GFUS: variants seen among roughly 807,000 people sequenced by gnomAD.
GFUS encodes GDP-L-fucose synthase, also known as 3-5 epimerase/4-reductase.
Under a neutral mutation model 41.5 loss-of-function variants are expected in GFUS, and 42 were observed. That is an observed-to-expected ratio of 1.01 (90% CI 0.79 to 1.31). GFUS has a LOEUF of 1.31. Among genes scored for constraint, GFUS ranks in the 50% most tolerant of loss-of-function variants. GFUS has a pLI of 0.00. For missense variants in GFUS, 437 were observed against 428.7 expected (o/e 1.02, Z -0.17); for synonymous variants, 188 against 173.4 (o/e 1.08, Z -0.66).
At chr8:143,615,049 C>T (rs569181698) in intron 3 of GFUS, 134 bp from the exon 4 acceptor site, 72 of 1,377,924 alleles carry the variant, frequency 5.2e-5, no homozygotes, top group Middle Eastern at 5.3e-4. Flanking sequence ...CCATCCTAAC[C>T]GTTTCCGGAC....
chr8:143,614,281 G>C (rs146715615), intron 6 of GFUS, 39 bp downstream of exon 6: 7 of 1,613,526 alleles, frequency 4.3e-6, no homozygotes, highest in Admixed American at 1.7e-5. Context: ...ACCTCCTCCC[G>C]AGCTGAGCCC....
chr8:143,615,984 C>T, intron 3 of GFUS, 122 bp downstream of exon 3: 1 of 826,758 alleles, frequency 1.2e-6, no homozygotes, highest in Non-Finnish European at 1.9e-6. Flanking sequence ...CTGTGCCAAG[C>T]CCTGATCCTC....
intron 1 of GFUS, 51 bp from the exon 2 acceptor site, chr8:143,616,774 GAGC>G: frequency 1.2e-6 from 2 of 1,606,864 alleles, no homozygotes; most frequent in South Asian, 2.2e-5. Context: ...TCATCCTTTG[GAGC>G]CCCACTCTTC....
At chr8:143,614,588 C>T in intron 5 of GFUS, 36 bp downstream of exon 5, 1 of 1,565,008 alleles carries the variant, frequency 6.4e-7, no homozygotes, top group African/African-American at 1.3e-5. Flanking sequence ...CTCTCCCCGA[C>T]TCCTGGCTGG....
rs375507364 is a variant in GFUS at position 143,614,419 on chromosome 8, C to T, written c.499G>A (p.Ala167Thr). The change falls in exon 6 of 11, where the codon GCT becomes ACT. Residue 167 changes from alanine (A) to threonine (T), a missense_variant. By Grantham distance (58) the Ala-to-Thr change is moderately conservative (BLOSUM62 0). Coordinates refer to ENST00000425753, the MANE Select transcript of GFUS (RefSeq NM_003313.4). ...CCGAAGACGTTGGTGGGGATGACAG[C>T]GGTGAAGGTGCAGCCGTACTGCTGG... ...YFQQYGCTFT[A>T]VIPTNVFGPH... 38 of 1,613,746 alleles carry T rather than the reference C, an allele frequency of 2.4e-5. No homozygotes were observed. The highest frequency in any genetic ancestry group is 2.3e-4 in the South Asian group (21 of 91,068).
At position 143,612,907 on chromosome 8, in the gene GFUS, G is replaced by A. The variant is rs762773401; in HGVS notation, c.*3C>T. 1.2e-6 allele frequency: 2 copies of A among 1,606,914 alleles called. No homozygotes were observed. The highest frequency in any genetic ancestry group is 2.2e-5 in the South Asian group (2 of 89,794). ...CGCTGGCACCTGATCCTGTCTTCCA[G>A]CTTCACTTCCGGGCCTGCTCGTAGT... On this transcript the variant is annotated 3_prime_UTR_variant, in exon 11 of 11. Transcript: ENST00000425753.
chr8:143,614,603 C>A (rs762318912), intron 5 of GFUS, 21 bp downstream of exon 5: 8 of 1,572,044 alleles, frequency 5.1e-6, no homozygotes, highest in Non-Finnish European at 6.9e-6. Context: ...GGCTGGGCCT[C>A]AGCAGGATGG....
intron 1 of GFUS, chr8:143,616,942 G>A (rs978043876): frequency 1.2e-5 from 7 of 598,342 alleles, no homozygotes; most frequent in African/African-American, 1.1e-4. Context: ...CTACCACCCA[G>A]CCCAGAGCAG....
intron 3 of GFUS, among the ~76,000 whole-genome samples, chr8:143,615,496 G>T (rs752837975): frequency 6.6e-6 from 1 of 152,218 alleles, no homozygotes; most frequent in South Asian, 2.1e-4. Context: ...GGGCTCTGGG[G>T]TGACAGGGCT....
At chr8:143,614,725 C>G in intron 4 of GFUS, 28 bp from the exon 5 acceptor site, 1 of 1,613,126 alleles carries the variant, frequency 6.2e-7, no homozygotes, top group Non-Finnish European at 8.5e-7. Context: ...GCAGAGGCCG[C>G]TACTTCCTGG....
In GFUS at chr8:143,612,987, G is replaced by A. The variant is rs200999569; in HGVS notation, c.911-22C>T. 51 of 1,607,090 alleles carry A rather than the reference G, an allele frequency of 3.2e-5. No homozygotes were observed. The Middle Eastern group carries it at 4.9e-4, about 16-fold the overall frequency. ...ACCGCTGCAGAGGCAGGCAGGTGAG[G>A]GCCATGGACAGGGAGGGTCGGGGCC... On this transcript the variant is annotated intron_variant, in intron 10 of 10. Transcript: ENST00000425753.
chr8:143,616,888 T>G, intron 1 of GFUS, 165 bp from the exon 2 acceptor site: 2 of 781,818 alleles, frequency 2.6e-6, no homozygotes, highest in Non-Finnish European at 4.0e-6. Context: ...CGCAGCCCTG[T>G]TCCCCTGGGA....
intron 3 of GFUS, chr8:143,615,888 A>G: frequency 2.1e-6 from 1 of 475,374 alleles, no homozygotes; most frequent in Non-Finnish European, 3.7e-6. Context: ...TACTGGGCCA[A>G]GTGCCTCCAG....
At chr8:143,614,755 G>C (rs760430470) in intron 4 of GFUS, 32 bp downstream of exon 4, 1 of 1,613,140 alleles carries the variant, frequency 6.2e-7, no homozygotes, top group Non-Finnish European at 8.5e-7. Flanking sequence ...CCGGCTCCCC[G>C]GCCCCACCCA....
At position 143,613,522 on chromosome 8, in the gene GFUS, A is replaced by G. The variant is rs149650371; in HGVS notation, c.810+2T>C. 3.4e-5 allele frequency: 54 copies of G among 1,610,526 alleles called. No individual in the cohort carries two copies. In the African/African-American group the frequency reaches 6.9e-4, roughly 21 times the overall value. On this transcript the variant is annotated splice_donor_variant, in intron 9 of 10. Coordinates refer to ENST00000425753, the MANE Select transcript of GFUS (RefSeq NM_003313.4). LOFTEE classifies it high-confidence loss of function. ...ACCCCCAGCACTGGAGCCAGAGGAT[A>G]CGGTGACTTCCCCATGGAAGTCCAT... is the stretch of plus-strand genomic sequence containing the variant.
chr8:143,614,864 C>T lies in GFUS; in HGVS notation c.313G>A (p.Gly105Ser). Reference protein sequence around the residue: ...DNVLHSAFEVGARKVVSCLST... With the variant: ...DNVLHSAFEVSARKVVSCLST... Reference sequence around the variant, plus strand: ...AGGCAGGACACCACCTTGCGGGCGCCCACCTCAAAGGCCGAGTGCAGGACG... The same window carrying T: ...AGGCAGGACACCACCTTGCGGGCGCTCACCTCAAAGGCCGAGTGCAGGACG... The change falls in exon 4 of 11, where the codon GGC (glycine) becomes AGC (serine). Residue 105 changes from glycine to serine, a missense_variant. Gly to Ser is a moderately conservative substitution (Grantham distance 56). Transcript: ENST00000425753. 6.2e-7 allele frequency: 1 copy of T among 1,613,726 alleles called. No individual in the cohort carries two copies. Among genetic ancestry groups the T allele is most frequent in the Non-Finnish European group, 8.5e-7 (1 of 1,179,964 alleles).
intron 3 of GFUS, among the ~76,000 whole-genome samples, chr8:143,615,512 G>A (rs1829703774): frequency 6.6e-6 from 1 of 152,178 alleles, no homozygotes; most frequent in African/African-American, 2.4e-5. Flanking sequence ...GGGCTCCTGG[G>A]CAGAATCTCC....
At position 143,613,234 on chromosome 8, in the gene GFUS, G is replaced by A. The variant is rs1170002335; in HGVS notation, c.872C>T (p.Thr291Ile). ...TGTGAACCGGAAGTCGGGCAGGTAG[G>A]TCCTCAGCTTGCTGTTACTGGCTGT... ...KKTASNSKLRTYLPDFRFTPF... is the reference protein window; with the variant it reads ...KKTASNSKLRIYLPDFRFTPF... Residue 291 changes from threonine to isoleucine, a missense_variant, in exon 10 of 11, where the codon ACC (threonine) becomes ATC (isoleucine). Transcript: ENST00000425753. The A allele has an allele frequency of 3.7e-6, 6 of 1,613,956 alleles. No individual in the cohort carries two copies. The highest frequency in any genetic ancestry group is 2.7e-5 in the African/African-American group (2 of 74,890).
chr8:143,615,358 C>T (rs936500967), intron 3 of GFUS, among the ~76,000 whole-genome samples: 1 of 152,196 alleles, frequency 6.6e-6, no homozygotes, highest in Non-Finnish European at 1.5e-5. Flanking sequence ...TTGCCGGGTC[C>T]ACCCCGCGGG....
Sources: allele counts gnomAD v4.1 joint callset (sites outside exome capture counted in the v4.1 genomes callset), GRCh38; gene constraint gnomAD v4.1.1; transcripts MANE v1.5; gene names NCBI Gene and HGNC (gene_info 2026-07-23, HGNC 2026-07-21).